Variants in COL21A1 observed in about 807,000 individuals in gnomAD.
COL21A1 encodes the protein collagen type XXI alpha 1 chain, also known as collagen alpha-1(XXI) chain.
In COL21A1, 149 loss-of-function variants were observed where a neutral mutation model predicts 137.9. The observed-to-expected ratio is 1.08, with a 90% CI of 0.95 to 1.24. The LOEUF (loss-of-function observed/expected upper bound fraction) is 1.24, where lower values mean the gene tolerates loss of function less well. Among genes scored for constraint, COL21A1 ranks in the 50% most tolerant of loss-of-function variants. The pLI is 0.00. For missense variants in COL21A1, 1,167 were observed against 1,158.4 expected (o/e 1.01, Z -0.11); for synonymous variants, 456 against 391.5 (o/e 1.16, Z -1.95).
intron 5 of COL21A1, among the ~76,000 whole-genome samples, chr6:56,169,201 T>G (rs1383492724): frequency 1.3e-5 from 2 of 151,958 alleles, no homozygotes; most frequent in African/African-American, 4.8e-5. Context: ...TTTACTTCAA[T>G]AATTTTCAAA....
intron 1 of COL21A1, among the ~76,000 whole-genome samples, chr6:56,354,817 C>G (rs1318684893): frequency 6.6e-6 from 1 of 152,096 alleles, no homozygotes; most frequent in Non-Finnish European, 1.5e-5. Context: ...TGTGATCGCA[C>G]CACTGCACTC....
At chr6:56,188,407 T>C (rs1447502648) in intron 1 of COL21A1, among the ~76,000 whole-genome samples, 1 of 152,176 alleles carries the variant, frequency 6.6e-6, no homozygotes, top group South Asian at 2.1e-4. Context: ...AATATACAAG[T>C]TGTGTGATAT....
At chr6:56,139,973 A>T (rs1774295975) in intron 12 of COL21A1, among the ~76,000 whole-genome samples, 1 of 152,184 alleles carries the variant, frequency 6.6e-6, no homozygotes, top group South Asian at 2.1e-4. Flanking sequence ...AGAAAAGTCA[A>T]GTAATGAGTT....
chr6:56,266,390 G>GT (rs71549703), intron 1 of COL21A1, among the ~76,000 whole-genome samples: 2,512 of 152,144 alleles, frequency 0.017, 42 homozygotes, highest in Middle Eastern at 0.034. Context: ...GATCTTTTTT[G>GT]TTTTTTTGTT....
At chr6:56,229,206 C>T (rs1038997560) in intron 1 of COL21A1, among the ~76,000 whole-genome samples, 1 of 151,776 alleles carries the variant, frequency 6.6e-6, no homozygotes, top group South Asian at 2.1e-4. Flanking sequence ...TACAGAGAAA[C>T]CCTGTCTCTA....
chr6:56,061,152 G>A (rs1765768561), intron 25 of COL21A1, 115 bp from the exon 26 acceptor site: 1 of 842,194 alleles, frequency 1.2e-6, no homozygotes, highest in Admixed American at 3.6e-5. Flanking sequence ...AATATGTAAG[G>A]TATGTAAGGA....
intron 1 of COL21A1, among the ~76,000 whole-genome samples, chr6:56,194,512 A>G (rs1778900648): frequency 6.6e-6 from 1 of 152,166 alleles, no homozygotes; most frequent in Non-Finnish European, 1.5e-5. Flanking sequence ...GAATCTCCTC[A>G]TATGCTAACA....
At chr6:56,273,351 C>A (rs1446386994) in intron 1 of COL21A1, among the ~76,000 whole-genome samples, 2 of 144,354 alleles carry the variant, frequency 1.4e-5, no homozygotes, top group Non-Finnish European at 1.5e-5. Context: ...ACAAACTAAC[C>A]CCAAAGATAG....
At chr6:56,109,738 T>A (rs1007432969) in intron 16 of COL21A1, among the ~76,000 whole-genome samples, 1 of 151,970 alleles carries the variant, frequency 6.6e-6, no homozygotes, top group Non-Finnish European at 1.5e-5. Context: ...TAAGGCAATA[T>A]TGTAAACAAA....
chr6:56,273,659 C>T (rs1441719818), intron 1 of COL21A1, among the ~76,000 whole-genome samples: 3 of 152,110 alleles, frequency 2.0e-5, no homozygotes, highest in South Asian at 2.1e-4. Flanking sequence ...ATACAACCTC[C>T]TAAGATTGAA....
chr6:56,260,649 A>AGAGAG (rs1562028860), intron 1 of COL21A1, among the ~76,000 whole-genome samples: 29 of 43,400 alleles, frequency 6.7e-4, no homozygotes, highest in South Asian at 2.0e-3. Flanking sequence ...GGAAGGAAGG[A>AGAGAG]AGGAAGGAAT....
rs950782021 is a variant in COL21A1, at chr6:56,283,055, A to T, written c.-38-100399T>A. Among the ~76,000 whole-genome samples, 5 of 152,246 alleles carry T rather than the reference A, an allele frequency of 3.3e-5. No homozygotes were observed. In the East Asian group the frequency reaches 7.7e-4, roughly 23 times the overall value. On this transcript the variant is annotated intron_variant, in intron 1 of 28. Transcript: ENST00000370819. ...TTATAGAAATATGTATGCAAAATAC[A>T]GTCTAACACAATAAATACATTCAAA...
chr6:56,171,180 A>C, intron 3 of COL21A1, 52 bp from the exon 4 acceptor site: 1 of 1,344,910 alleles, frequency 7.4e-7, no homozygotes, highest in Non-Finnish European at 1.0e-6. Flanking sequence ...TTCAAACAAT[A>C]AAAGAAAAAT....
chr6:56,177,709 A>G (rs575471024), intron 3 of COL21A1, among the ~76,000 whole-genome samples: 7 of 148,810 alleles, frequency 4.7e-5, no homozygotes, highest in Admixed American at 1.4e-4. Context: ...GGAGAATGGC[A>G]TGAACCCGGG....
intron 1 of COL21A1, among the ~76,000 whole-genome samples, chr6:56,379,652 T>C (rs1215901315): frequency 1.3e-5 from 2 of 152,030 alleles, no homozygotes; most frequent in East Asian, 3.9e-4. Context: ...GGGGCAGGGG[T>C]AGGGAAAAGA....
intron 12 of COL21A1, among the ~76,000 whole-genome samples, chr6:56,134,968 A>G (rs1278212107): frequency 6.6e-6 from 1 of 152,142 alleles, no homozygotes; most frequent in African/African-American, 2.4e-5. Flanking sequence ...ATTAGTGGAA[A>G]CACACTAATA....
At chr6:56,348,079 T>C (rs1013259423) in intron 1 of COL21A1, among the ~76,000 whole-genome samples, 3 of 152,140 alleles carry the variant, frequency 2.0e-5, no homozygotes, top group African/African-American at 4.8e-5. Flanking sequence ...ATTGTTGTGA[T>C]TGGAGCAGCA....
intron 1 of COL21A1, among the ~76,000 whole-genome samples, chr6:56,191,607 A>AG (rs1554159325): frequency 2.0e-5 from 3 of 150,864 alleles, no homozygotes; most frequent in Non-Finnish European, 4.4e-5. Context: ...AAAAAAAAAA[A>AG]ATCCAGAGAG....
At chr6:56,264,830 C>A (rs1763359127) in intron 1 of COL21A1, among the ~76,000 whole-genome samples, 1 of 152,154 alleles carries the variant, frequency 6.6e-6, no homozygotes, top group African/African-American at 2.4e-5. Flanking sequence ...CCACTTCTAT[C>A]CTTCACCATC....
Sources: gnomAD v4.1 joint callset for allele counts (sites outside exome capture counted in the v4.1 genomes callset) on GRCh38, gnomAD v4.1.1 for gene constraint, MANE v1.5 for transcripts, NCBI Gene and HGNC (gene_info 2026-07-23, HGNC 2026-07-21) for gene names.